Variants in TEKT5 observed in about 807,000 individuals in gnomAD.
TEKT5 encodes the protein tektin-5.
In TEKT5, 52 loss-of-function variants were observed where a neutral mutation model predicts 48.7. The observed-to-expected ratio is 1.07, with a 90% CI of 0.86 to 1.35. TEKT5 has a LOEUF of 1.35. Ranked by LOEUF, TEKT5 falls within the 40% of genes most tolerant of loss-of-function variation. The pLI is 0.00. For missense variants in TEKT5, 831 were observed against 641.6 expected (o/e 1.30, Z -3.19); for synonymous variants, 318 against 267.6 (o/e 1.19, Z -1.84).
intron 5 of TEKT5, among the ~76,000 whole-genome samples, chr16:10,637,735 T>G (rs1184930273): frequency 1.3e-5 from 2 of 152,240 alleles, no homozygotes; most frequent in Non-Finnish European, 2.9e-5. Context: ...GAAAATACAA[T>G]GAAAATCAGA....
At chr16:10,651,780 C>G (rs1346831925) in intron 5 of TEKT5, among the ~76,000 whole-genome samples, 1 of 151,976 alleles carries the variant, frequency 6.6e-6, no homozygotes, top group Admixed American at 6.5e-5. Flanking sequence ...ACAAACATGG[C>G]GAAACCCCGT....
At position 10,627,704 on chromosome 16, in the gene TEKT5, G is replaced by A; in HGVS notation, c.1337C>T (p.Thr446Ile). 1 of 1,614,222 alleles carries A rather than the reference G, an allele frequency of 6.2e-7. No individual in the cohort carries two copies. Residue 446 changes from threonine (T) to isoleucine (I), a missense_variant, in exon 7 of 7, where the codon ACC becomes ATC. Transcript: ENST00000283025. Reference sequence around the variant, plus strand: ...GAGCTCGTGCTCCAGCCGGCACTTGGTCATGACCAGCAGCTGCAGCGTGTC... The same window carrying A: ...GAGCTCGTGCTCCAGCCGGCACTTGATCATGACCAGCAGCTGCAGCGTGTC... The part of the protein sequence containing the change: ...TQDTLQLLVM[T>I]KCRLEHELAI...
intron 5 of TEKT5, among the ~76,000 whole-genome samples, chr16:10,666,914 A>G (rs1213395644): frequency 1.3e-5 from 2 of 151,958 alleles, no homozygotes; most frequent in African/African-American, 2.4e-5. Flanking sequence ...TGCAGGGGTA[A>G]CTATTCTGCC....
At chr16:10,635,986 G>A (rs987115035) in intron 5 of TEKT5, 68 bp from the exon 6 acceptor site, 5 of 1,581,668 alleles carry the variant, frequency 3.2e-6, no homozygotes, top group South Asian at 2.3e-5. Flanking sequence ...GGGGGCCTGG[G>A]GGGAGCAAGT....
chr16:10,628,114 G>A (rs1002833105), intron 6 of TEKT5, among the ~76,000 whole-genome samples: 6 of 152,116 alleles, frequency 3.9e-5, no homozygotes, highest in South Asian at 2.1e-4. Context: ...CCAAAGTGCC[G>A]GGATTACAAG....
chr16:10,636,536 C>T (rs770026196), intron 5 of TEKT5, among the ~76,000 whole-genome samples: 31 of 151,770 alleles, frequency 2.0e-4, no homozygotes, highest in Non-Finnish European at 3.8e-4. Flanking sequence ...AGGAAGAAAG[C>T]AAAGTAAGGG....
intron 5 of TEKT5, among the ~76,000 whole-genome samples, chr16:10,664,939 T>A (rs1596411039): frequency 6.6e-6 from 1 of 152,174 alleles, no homozygotes; most frequent in East Asian, 1.9e-4. Flanking sequence ...CAATCATCAT[T>A]ACTCCCATTT....
chr16:10,640,798 T>G (rs1897984254), intron 5 of TEKT5, among the ~76,000 whole-genome samples: 1 of 152,242 alleles, frequency 6.6e-6, no homozygotes, highest in Non-Finnish European at 1.5e-5. Flanking sequence ...CATGTTGTTG[T>G]GTGTATCAAT....
At chr16:10,672,443 T>C (rs1202973281) in intron 5 of TEKT5, among the ~76,000 whole-genome samples, 2 of 151,870 alleles carry the variant, frequency 1.3e-5, no homozygotes, top group African/African-American at 4.8e-5. Flanking sequence ...AATACAAAAA[T>C]TAGCTGGGGC....
intron 5 of TEKT5, among the ~76,000 whole-genome samples, chr16:10,636,433 C>T (rs1897914725): frequency 1.3e-5 from 2 of 151,776 alleles, no homozygotes; most frequent in East Asian, 1.9e-4. Flanking sequence ...CTCTTGTCAC[C>T]GGGGCACTGT....
chr16:10,660,626 G>C (rs1435266318), intron 5 of TEKT5, among the ~76,000 whole-genome samples: 2 of 151,664 alleles, frequency 1.3e-5, no homozygotes, highest in Non-Finnish European at 2.9e-5. Flanking sequence ...TCCTTCAAAA[G>C]CCAGTCTGAG....
At chr16:10,652,836 GACACACACAC>G (rs572998899) in intron 5 of TEKT5, among the ~76,000 whole-genome samples, 25 of 19,658 alleles carry the variant, frequency 1.3e-3, no homozygotes, top group Non-Finnish European at 1.9e-3. Flanking sequence ...TACACAGGCA[GACACACACAC>G]ACACACACAC....
At chr16:10,674,510 A>T (rs1329774035) in intron 5 of TEKT5, among the ~76,000 whole-genome samples, 1 of 150,442 alleles carries the variant, frequency 6.6e-6, no homozygotes, top group Non-Finnish European at 1.5e-5. Context: ...TGGCACGCAC[A>T]CGTAGTCTCA....
chr16:10,654,842 C>G (rs1017632128), intron 5 of TEKT5, among the ~76,000 whole-genome samples: 1 of 151,380 alleles, frequency 6.6e-6, no homozygotes. Context: ...TATCGTATTG[C>G]TTCTGTTTCT....
Position 10,652,868 on chromosome 16 carries a change from C to CACAT in TEKT5, c.1087-16951_1087-16950insATGT, listed in dbSNP as rs1567228476. ...ACACACACACACACACACACACACA[C>CACAT]ACCCTCCAGGTCAGGTAGAGCGATC... is the stretch of plus-strand genomic sequence containing the variant. On this transcript the variant is annotated intron_variant, in intron 5 of 6. Transcript: ENST00000283025. Among the ~76,000 whole-genome samples, 13 of 58,464 alleles carry CACAT rather than the reference C, an allele frequency of 2.2e-4. 1 individual carries two copies. Among genetic ancestry groups the CACAT allele is most frequent in the African/African-American group, 1.8e-3 (8 of 4,518 alleles). 38.4% of individuals were successfully genotyped at this position (58,464 alleles called of 152,430 possible).
At chr16:10,635,256 A>T (rs1897897137) in intron 6 of TEKT5, among the ~76,000 whole-genome samples, 1 of 146,174 alleles carries the variant, frequency 6.8e-6, no homozygotes, top group African/African-American at 2.6e-5. Context: ...CTTCGTCAAC[A>T]GACACCAGCC....
chr16:10,654,455 G>C (rs111978296), intron 5 of TEKT5, among the ~76,000 whole-genome samples: 155 of 152,324 alleles, frequency 1.0e-3, no homozygotes, highest in Admixed American at 1.4e-3. Flanking sequence ...TTTGAGGTGT[G>C]TCTGTGAAGG....
In TEKT5 at chr16:10,694,538, G is replaced by A. The variant is rs766574028; in HGVS notation, c.336C>T (p.Ala112=). Residue 112 remains alanine, a synonymous_variant, in exon 1 of 7, where the codon GCC becomes GCT. Coordinates refer to ENST00000283025, the MANE Select transcript of TEKT5 (RefSeq NM_144674.2). ...TCATGGAGTCATCCGTCAGCCGGCT[G>A]GCCCACAGCCGGGAGGCCTCGGCCC... is the stretch of plus-strand genomic sequence containing the variant. ...VRGAEASRLW[A]SRLTDDSMRL... is the part of the protein sequence containing the mutation. The A allele has an allele frequency of 4.4e-6, 7 of 1,607,538 alleles. No individual in the cohort carries two copies. Among genetic ancestry groups the A allele is most frequent in the Middle Eastern group, 1.7e-4 (1 of 6,016 alleles).
chr16:10,637,543 T>C (rs1238617395), intron 5 of TEKT5, among the ~76,000 whole-genome samples: 1 of 152,182 alleles, frequency 6.6e-6, no homozygotes, highest in African/African-American at 2.4e-5. Context: ...CCCAATATGA[T>C]GTCACCATTG....
Sources: gnomAD v4.1 joint callset for allele counts (sites outside exome capture counted in the v4.1 genomes callset) on GRCh38, gnomAD v4.1.1 for gene constraint, MANE v1.5 for transcripts, NCBI Gene and HGNC (gene_info 2026-07-23, HGNC 2026-07-21) for gene names.